The following HIRA variants were observed in gnomAD, a reference collection of about 807,000 sequenced individuals.
HIRA encodes the protein protein HIRA.
Under a neutral mutation model 126.6 loss-of-function variants are expected in HIRA, and 13 were observed. The observed-to-expected ratio is 0.10, with a 90% confidence interval of 0.07 to 0.16. HIRA has a LOEUF of 0.16. Among genes scored for constraint, HIRA ranks in the 10% least tolerant of loss-of-function variants. The pLI is 1.00. For synonymous variants in HIRA, 511 were observed against 520.0 expected (o/e 0.98, Z 0.24); for missense variants, 834 against 1,314.4 (o/e 0.63, Z 5.65).
At chr22:19,344,867 TAAAAG>T (rs1467694106) in intron 24 of HIRA, among the ~76,000 whole-genome samples, 78 of 152,122 alleles carry the variant, frequency 5.1e-4, no homozygotes, top group African/African-American at 1.9e-3. Flanking sequence ...ATTAATGAAA[TAAAAG>T]AAAATTTTAA....
At chr22:19,389,811 G>A (rs1480090528) in intron 9 of HIRA, among the ~76,000 whole-genome samples, 1 of 151,158 alleles carries the variant, frequency 6.6e-6, no homozygotes, top group Non-Finnish European at 1.5e-5. Flanking sequence ...GGCAATCTGT[G>A]GTACTGTGGT....
At chr22:19,353,612 G>A (rs781818922) in intron 22 of HIRA, 93 bp from the exon 23 acceptor site, 52 of 1,333,430 alleles carry the variant, frequency 3.9e-5, no homozygotes, top group Non-Finnish European at 5.0e-5. Flanking sequence ...GAGCTGGCAG[G>A]AGGCAGGCAC....
chr22:19,402,717 T>C (rs2089278974), intron 5 of HIRA, among the ~76,000 whole-genome samples: 1 of 152,202 alleles, frequency 6.6e-6, no homozygotes, highest in South Asian at 2.1e-4. Context: ...GCACCCATCA[T>C]TGTCTTTTCT....
chr22:19,343,829 A>C (rs782042088), intron 24 of HIRA, among the ~76,000 whole-genome samples: 12 of 151,718 alleles, frequency 7.9e-5, no homozygotes, highest in Middle Eastern at 3.4e-3. Context: ...CGGGAGGCAG[A>C]GGCAGGAGGA....
chr22:19,381,067 ATTTC>A (rs1188270349), intron 13 of HIRA, among the ~76,000 whole-genome samples: 2 of 152,192 alleles, frequency 1.3e-5, no homozygotes, highest in East Asian at 1.9e-4. Context: ...ATTTCTAGTT[ATTTC>A]TTTGAGTTTT....
intron 1 of HIRA, among the ~76,000 whole-genome samples, chr22:19,430,963 C>A (rs919682842): frequency 2.8e-4 from 43 of 152,212 alleles, no homozygotes; most frequent in African/African-American, 1.0e-3. Flanking sequence ...GACCACAATT[C>A]CCCAACTGGG....
At chr22:19,412,681 A>G (rs969885825) in intron 1 of HIRA, among the ~76,000 whole-genome samples, 4 of 152,184 alleles carry the variant, frequency 2.6e-5, no homozygotes, top group African/African-American at 9.6e-5. Flanking sequence ...TGCAAGTCAC[A>G]GTTCCCCTGA....
rs1320641684 is a variant in HIRA, at chr22:19,331,451, T to C, written c.3043A>G (p.Arg1015Gly). The C allele has an allele frequency of 1.9e-6, 3 of 1,613,914 alleles. No individual in the cohort carries two copies. Among genetic ancestry groups the C allele is most frequent in the Non-Finnish European group, 2.5e-6 (3 of 1,179,980 alleles). Residue 1015 changes from arginine (R) to glycine (G), a missense_variant, in exon 25 of 25, where the codon AGG (arginine) becomes GGG (glycine). This residue lies in a region of HIRA where 58 missense variants were observed against 114.5 expected (regional missense o/e 0.51). Transcript: ENST00000263208. ...CAGGCTGGGGCAGGCTACTTGTCCC[T>C]CAGGATGTCGAGCTGTTCCTGACAC... ...TECQEQLDIL[R>G]DK
At chr22:19,400,417 C>T (rs1413345285) in intron 5 of HIRA, among the ~76,000 whole-genome samples, 1 of 152,172 alleles carries the variant, frequency 6.6e-6, no homozygotes, top group Admixed American at 6.5e-5. Context: ...CCTCCTTTCA[C>T]AACACACCAA....
intron 6 of HIRA, 56 bp downstream of exon 6, chr22:19,397,936 C>A: frequency 7.4e-7 from 1 of 1,347,370 alleles, no homozygotes; most frequent in Non-Finnish European, 1.1e-6. Context: ...AACCCCTGCT[C>A]CAGAAACTGA....
intron 1 of HIRA, among the ~76,000 whole-genome samples, chr22:19,417,083 C>A (rs920916944): frequency 2.6e-5 from 4 of 151,850 alleles, no homozygotes; most frequent in Admixed American, 1.3e-4. Context: ...GCCTGTAGTC[C>A]TATCTACTCT....
intron 24 of HIRA, among the ~76,000 whole-genome samples, chr22:19,345,584 T>C (rs2088677591): frequency 6.6e-6 from 1 of 152,194 alleles, no homozygotes; most frequent in Non-Finnish European, 1.5e-5. Context: ...GATAAAACTG[T>C]TCCACCTCAG....
intron 24 of HIRA, among the ~76,000 whole-genome samples, chr22:19,347,065 G>C (rs1398019463): frequency 1.3e-5 from 2 of 152,204 alleles, no homozygotes; most frequent in African/African-American, 4.8e-5. Flanking sequence ...GGCATCTTGG[G>C]CTAAGGCTGA....
chr22:19,407,125 TA>T (rs2089314555), intron 4 of HIRA, 58 bp downstream of exon 4: 1 of 1,401,834 alleles, frequency 7.1e-7, no homozygotes, highest in African/African-American at 1.4e-5. Context: ...GTGACTTTGA[TA>T]AAGACCAGCA....
intron 18 of HIRA, among the ~76,000 whole-genome samples, chr22:19,357,776 G>T (rs1381539760): frequency 1.3e-5 from 2 of 152,206 alleles, no homozygotes; most frequent in Non-Finnish European, 2.9e-5. Context: ...GCCCTGCTTT[G>T]TGTCACTTCT....
intron 21 of HIRA, among the ~76,000 whole-genome samples, chr22:19,355,069 AT>A (rs201104185): frequency 6.7e-6 from 1 of 150,196 alleles, no homozygotes; most frequent in Non-Finnish European, 1.5e-5. Context: ...CACCCAGCAG[AT>A]TTTTTTTTTC....
chr22:19,362,717 C>T (rs753831120), intron 15 of HIRA, among the ~76,000 whole-genome samples: 22 of 151,632 alleles, frequency 1.5e-4, no homozygotes, highest in Non-Finnish European at 2.4e-4. Flanking sequence ...TGTGCCACCA[C>T]GCCTGGTTAA....
At position 19,388,533 on chromosome 22, in the gene HIRA, G is replaced by A. The variant is rs1199951957; in HGVS notation, c.958C>T (p.Leu320=). Residue 320 remains leucine (L), a synonymous_variant, in exon 10 of 25, where the codon CTG becomes TTG. Coordinates refer to ENST00000263208, the MANE Select transcript of HIRA (RefSeq NM_003325.4). The part of the protein sequence containing the change: ...SVWLTCLKRP[L]VVIHELFDKS... ...TCAAACAGTTCATGGATGACCACCA[G>A]CGGCCGTTTCAGACATGTGAGCTGG... 6.2e-7 allele frequency: 1 copy of A among 1,613,606 alleles called. No homozygotes were observed. Among genetic ancestry groups the A allele is most frequent in the African/African-American group, 1.3e-5 (1 of 74,914 alleles).
intron 1 of HIRA, among the ~76,000 whole-genome samples, chr22:19,418,857 G>T (rs2089420919): frequency 3.9e-5 from 6 of 151,926 alleles, no homozygotes; most frequent in Admixed American, 3.9e-4. Flanking sequence ...ACTGGACTAA[G>T]TCCAGAAGTA....
Sources: gnomAD v4.1 joint callset for allele counts (sites outside exome capture counted in the v4.1 genomes callset) on GRCh38, gnomAD v4.1.1 for gene constraint, gnomAD v4.1.1 regional missense constraint, MANE v1.5 for transcripts, NCBI Gene and HGNC (gene_info 2026-07-23, HGNC 2026-07-21) for gene names.